The following VPS54 variants were observed in gnomAD, a reference collection of about 807,000 sequenced individuals.
VPS54 encodes the protein VPS54 subunit of GARP complex, also known as vacuolar protein sorting-associated protein 54.
Under a neutral mutation model 121.5 loss-of-function variants are expected in VPS54, and 45 were observed. The observed-to-expected ratio is 0.37, with a 90% CI of 0.29 to 0.47. The LOEUF (loss-of-function observed/expected upper bound fraction) is 0.47, where lower values mean the gene tolerates loss of function less well. Among genes scored for constraint, VPS54 ranks in the 20% least tolerant of loss-of-function variants. The pLI, the probability that VPS54 is intolerant of heterozygous loss-of-function variation, is 0.99. For synonymous variants in VPS54, 371 were observed against 385.8 expected, an observed-to-expected ratio of 0.96 and a Z score of 0.45; for missense variants, 1,090 against 1,131.4, an observed-to-expected ratio of 0.96 and a Z score of 0.52.
intron 12 of VPS54, among the ~76,000 whole-genome samples, chr2:63,923,353 C>G (rs993597711): frequency 6.6e-6 from 1 of 151,990 alleles, no homozygotes; most frequent in Non-Finnish European, 1.5e-5. Flanking sequence ...AGTTAGATCT[C>G]TAACTTTCAC....
intron 11 of VPS54, among the ~76,000 whole-genome samples, chr2:63,940,488 A>T (rs1674668540): frequency 6.6e-6 from 1 of 152,240 alleles, no homozygotes; most frequent in Non-Finnish European, 1.5e-5. Flanking sequence ...ACATAGTGGA[A>T]TAACTACAGT....
chr2:63,939,243 G>A (rs894555463), intron 11 of VPS54, among the ~76,000 whole-genome samples: 2 of 152,060 alleles, frequency 1.3e-5, no homozygotes, highest in Admixed American at 6.6e-5. Flanking sequence ...ATGGTGGCGT[G>A]CGCCTATAAT....
rs554378927 is a variant in VPS54 at position 64,010,119 on chromosome 2, G to C, written c.-21+8819C>G. ...GGCCTCCCAAAGTGCTGGCATTACA[G>C]GCGTGAGCCACCGCGCCTGGCCCCA... is the stretch of plus-strand genomic sequence containing the variant. On this transcript the variant is annotated intron_variant, in intron 1 of 22. Transcript: ENST00000272322. 8.3e-4 allele frequency among the ~76,000 whole-genome samples: 127 copies of C among 152,294 alleles called. 1 individual carries two copies. The highest frequency in any genetic ancestry group is 3.0e-3 in the African/African-American group (126 of 41,564).
intron 3 of VPS54, among the ~76,000 whole-genome samples, chr2:63,974,413 T>C (rs1676423955): frequency 6.6e-6 from 1 of 152,200 alleles, no homozygotes; most frequent in Non-Finnish European, 1.5e-5. Flanking sequence ...CTTTTAATAC[T>C]GTGTTAGCTA....
intron 22 of VPS54, among the ~76,000 whole-genome samples, chr2:63,897,276 C>T (rs1295365886): frequency 2.0e-5 from 3 of 151,806 alleles, no homozygotes; most frequent in East Asian, 1.9e-4. Flanking sequence ...AAAACAGATA[C>T]ATAACGTCAG....
rs577658889 is a variant in VPS54 at position 63,920,127 on chromosome 2, GA to G, written c.2052-133del. The G allele has an allele frequency of 8.2e-5, 52 of 634,642 alleles. No individual in the cohort carries two copies. In the African/African-American group the frequency reaches 9.4e-4, roughly 12 times the overall value. 39.3% of individuals were successfully genotyped at this position (634,642 alleles called of 1,614,324 possible). A position where few individuals can be genotyped will look rare whatever the true frequency, so the allele number is the denominator to read the frequency against. On this transcript the variant is annotated intron_variant, in intron 14 of 22. Coordinates refer to ENST00000272322, the MANE Select transcript of VPS54 (RefSeq NM_016516.3). Reference sequence around the variant, plus strand: ...AAGTGCTGAACACTTTAATAAGCAGGACCAATACTTAGAAAATAGTTCCCTT... The same window carrying G: ...AAGTGCTGAACACTTTAATAAGCAGGCCAATACTTAGAAAATAGTTCCCTT...
chr2:63,976,963 G>A (rs1676565473), intron 3 of VPS54, among the ~76,000 whole-genome samples: 1 of 151,600 alleles, frequency 6.6e-6, no homozygotes, highest in African/African-American at 2.4e-5. Flanking sequence ...CAAGTAGCTG[G>A]GATGACAGGT....
At chr2:64,001,287 A>G (rs1384196557) in intron 1 of VPS54, among the ~76,000 whole-genome samples, 2 of 152,186 alleles carry the variant, frequency 1.3e-5, no homozygotes, top group Non-Finnish European at 2.9e-5. Flanking sequence ...CCTCTGGTCC[A>G]GGGCAGGTCC....
At position 63,962,228 on chromosome 2, in the gene VPS54, T is replaced by C. The variant is rs1376852444; in HGVS notation, c.840A>G (p.Arg280=). 1 of 1,613,950 alleles carries C rather than the reference T, an allele frequency of 6.2e-7. No homozygotes were observed. Among genetic ancestry groups the C allele is most frequent in the Non-Finnish European group, 8.5e-7 (1 of 1,179,916 alleles). Residue 280 remains arginine (R), a synonymous_variant, in exon 7 of 23, where the codon AGA becomes AGG. Transcript: ENST00000272322. Reference sequence around the variant, plus strand: ...TATTGTATACTTTAACACAATTATTTCTGGTAAGTGCCAGTCTTAAAATGT... The same window carrying C: ...TATTGTATACTTTAACACAATTATTCCTGGTAAGTGCCAGTCTTAAAATGT... ...SLHILRLALT[R]NNCVKVYNKL...
At chr2:63,937,832 G>C (rs1674520718) in intron 11 of VPS54, among the ~76,000 whole-genome samples, 1 of 152,096 alleles carries the variant, frequency 6.6e-6, no homozygotes. Flanking sequence ...TAAAAAGGAA[G>C]GAAATTCTAA....
At chr2:63,951,868 T>C (rs1414531360) in intron 7 of VPS54, among the ~76,000 whole-genome samples, 1 of 152,182 alleles carries the variant, frequency 6.6e-6, no homozygotes, top group Non-Finnish European at 1.5e-5. Context: ...GTCAAAGGTG[T>C]ACCTTTAGCC....
chr2:63,910,694 C>A (rs6705192), intron 20 of VPS54, among the ~76,000 whole-genome samples: 1 of 152,020 alleles, frequency 6.6e-6, no homozygotes, highest in Non-Finnish European at 1.5e-5. Context: ...GAATATAGGT[C>A]ATGCATACAT....
Position 63,893,519 on chromosome 2 carries a change from C to T in VPS54, c.2845G>A (p.Val949Ile), listed in dbSNP as rs747604013. ...TGAAGATTTCCAGTGTAAAAAGCTA[C>T]ATCTGCTGTGACCAACCTAAATAAT... ...GPQNGLVTAD[V>I]AFYTGNLQAL... The change falls in exon 23 of 23, where the codon GTA becomes ATA. Residue 949 changes from valine to isoleucine, a missense_variant. Coordinates refer to ENST00000272322, the MANE Select transcript of VPS54 (RefSeq NM_016516.3). 2 of 1,613,806 alleles carry T rather than the reference C, an allele frequency of 1.2e-6. No individual in the cohort carries two copies. The highest frequency in any genetic ancestry group is 2.2e-5 in the South Asian group (2 of 91,024).
intron 7 of VPS54, among the ~76,000 whole-genome samples, chr2:63,958,424 T>G (rs867058379): frequency 1.3e-5 from 2 of 152,228 alleles, no homozygotes; most frequent in Non-Finnish European, 1.5e-5. Context: ...ATACAACTAT[T>G]AAAATTCCTT....
intron 11 of VPS54, among the ~76,000 whole-genome samples, chr2:63,940,484 T>G (rs969953727): frequency 1.3e-5 from 2 of 152,166 alleles, no homozygotes; most frequent in Non-Finnish European, 2.9e-5. Flanking sequence ...TTCCACATAG[T>G]GGAATAACTA....
At chr2:63,907,975 T>A (rs539006363) in intron 20 of VPS54, among the ~76,000 whole-genome samples, 1 of 152,318 alleles carries the variant, frequency 6.6e-6, no homozygotes, top group Admixed American at 6.5e-5. Context: ...TGATGCGTTT[T>A]AGAAAATTTT....
In VPS54 at chr2:63,967,718, C is replaced by CAAAAAA. The variant is rs56820620; in HGVS notation, c.492+1233_492+1238dup. On this transcript the variant is annotated intron_variant, in intron 5 of 22. Coordinates refer to ENST00000272322, the MANE Select transcript of VPS54 (RefSeq NM_016516.3). ...TGGGCGACAGAGAGAGACTCTGCCT[C>CAAAAAA]AAAAAAAAAAAAAAAAATCTTATAA... Among the ~76,000 whole-genome samples, 18 of 52,988 alleles carry CAAAAAA rather than the reference C, an allele frequency of 3.4e-4. 1 individual carries two copies. The highest frequency in any genetic ancestry group is 5.6e-4 in the African/African-American group (7 of 12,522). The allele number at this position is 52,988 out of a possible 152,430, so 34.8% of individuals were successfully genotyped here.
chr2:63,941,592 C>T (rs1024725059), intron 11 of VPS54, among the ~76,000 whole-genome samples: 1 of 152,104 alleles, frequency 6.6e-6, no homozygotes, highest in Non-Finnish European at 1.5e-5. Context: ...TAGAGTCTGA[C>T]ATCTTCTGTA....
At chr2:63,900,685 CT>C (rs1453191870) in intron 20 of VPS54, among the ~76,000 whole-genome samples, 14 of 152,136 alleles carry the variant, frequency 9.2e-5, no homozygotes, top group African/African-American at 3.4e-4. Context: ...GGTGTTCAGT[CT>C]TCAAAGGGAA....
Sources: gnomAD v4.1 joint callset for allele counts (sites outside exome capture counted in the v4.1 genomes callset) on GRCh38, gnomAD v4.1.1 for gene constraint, MANE v1.5 for transcripts, NCBI Gene and HGNC (gene_info 2026-07-23, HGNC 2026-07-21) for gene names.